Variants in SLC20A2 observed in about 807,000 individuals in gnomAD.
SLC20A2 encodes the protein sodium-dependent phosphate transporter 2.
Under a neutral mutation model 61.0 loss-of-function variants are expected in SLC20A2, and 30 were observed. That is an observed-to-expected ratio of 0.49 (90% CI 0.37 to 0.67). The LOEUF (loss-of-function observed/expected upper bound fraction) is 0.67, where lower values mean the gene tolerates loss of function less well. SLC20A2 is among the 30% of genes least tolerant of loss of function. The pLI, the probability that SLC20A2 is intolerant of heterozygous loss-of-function variation, is 0.00. For missense variants in SLC20A2, 626 were observed against 866.4 expected (o/e 0.72, Z 3.48); for synonymous variants, 351 against 353.3 (o/e 0.99, Z 0.07).
chr8:42,502,075 T>C (rs1003789321), upstream of SLC20A2, among the ~76,000 whole-genome samples: 1 of 152,232 alleles, frequency 6.6e-6, no homozygotes, highest in Admixed American at 6.5e-5. Flanking sequence ...ATTTTGCTCT[T>C]ATTGAACACT....
At chr8:42,431,769 C>G (rs954124218) in intron 8 of SLC20A2, among the ~76,000 whole-genome samples, 11 of 152,208 alleles carry the variant, frequency 7.2e-5, no homozygotes, top group Non-Finnish European at 2.9e-5. Context: ...TCCTATTGCT[C>G]TTAGGAATGA....
intron 1 of SLC20A2, chr8:42,536,634 A>C (rs1360103979): frequency 6.6e-6 from 1 of 152,240 alleles, no homozygotes; most frequent in Non-Finnish European, 1.5e-5. Flanking sequence ...AACAGCTTCA[A>C]ACTGACTTTA....
chr8:42,530,393 C>A (rs1158896949), intron 1 of SLC20A2, among the ~76,000 whole-genome samples: 1 of 152,020 alleles, frequency 6.6e-6, no homozygotes, highest in African/African-American at 2.4e-5. Context: ...TATATATAAC[C>A]CAGTGTTGGG....
At chr8:42,480,263 C>T (rs1328658234) in intron 1 of SLC20A2, among the ~76,000 whole-genome samples, 2 of 152,184 alleles carry the variant, frequency 1.3e-5, no homozygotes, top group African/African-American at 4.8e-5. Flanking sequence ...AGGAAATAAG[C>T]CCAAAGGTTA....
At position 42,428,747 on chromosome 8, in the gene SLC20A2, C is replaced by G. The variant is rs564668770; in HGVS notation, c.1794+11G>C. ...GGCCTGGGGAAGGGCTCCCGGCTAG[C>G]AGGGGCCTACCTTACAGTGCGTGGT... is the stretch of plus-strand genomic sequence containing the variant. On this transcript the variant is annotated intron_variant, in intron 10 of 10. Coordinates refer to ENST00000520262, the MANE Select transcript of SLC20A2 (RefSeq NM_001257180.2). 5 of 1,608,428 alleles carry G rather than the reference C, an allele frequency of 3.1e-6. No individual in the cohort carries two copies. In the African/African-American group the frequency reaches 4.0e-5, roughly 13 times the overall value.
chr8:42,472,634 G>A lies in SLC20A2; in HGVS notation c.-244C>T. The A allele has an allele frequency of 2.2e-6, 1 of 454,258 alleles. No homozygotes were observed. Among genetic ancestry groups the A allele is most frequent in the Non-Finnish European group, 4.0e-6 (1 of 252,134 alleles). The allele number at this position is 454,258 out of a possible 1,614,324, so 28.1% of individuals were successfully genotyped here. A position where few individuals can be genotyped will look rare whatever the true frequency, so the allele number is the denominator to read the frequency against. The stretch of plus-strand genomic sequence containing the variant: ...ATTCCATATTTTTCCTCCCGATCTG[G>A]GAAAGCTGTGATGTCTCCTCCTGTA... On this transcript the variant is annotated 5_prime_UTR_variant, in exon 2 of 11. Transcript: ENST00000520262. This position sits in a 1 kb window ranked among gnomAD's most constrained non-coding sequence, Gnocchi z 4.1.
Position 42,437,054 on chromosome 8 carries a change from C to G in SLC20A2, c.1458G>C (p.Leu486=), listed in dbSNP as rs747263393. ...EEKDAPEVHL[L]FHFLQVLTAC... ...CGGTGAGGACCTGCAGGAAATGGAA[C>G]AGGAGGTGAACCTCGGGTGCGTCCT... is the stretch of plus-strand genomic sequence containing the variant. The change falls in exon 8 of 11, where the codon CTG becomes CTC. Residue 486 remains leucine (L), a synonymous_variant. Transcript: ENST00000520262. The surrounding 1 kb of genome is among the most constrained non-coding windows in gnomAD (Gnocchi z 6.4). 2 of 1,614,096 alleles carry G rather than the reference C, an allele frequency of 1.2e-6. No homozygotes were observed. Among genetic ancestry groups the G allele is most frequent in the South Asian group, 2.2e-5 (2 of 91,074 alleles).
At chr8:42,440,928 G>A (rs1270666205) in intron 6 of SLC20A2, among the ~76,000 whole-genome samples, 5 of 152,146 alleles carry the variant, frequency 3.3e-5, no homozygotes, top group African/African-American at 1.2e-4. Context: ...AGCCTCCCGA[G>A]TAGCTGGGAC....
At chr8:42,479,710 A>G (rs1808414240) in intron 1 of SLC20A2, among the ~76,000 whole-genome samples, 1 of 152,148 alleles carries the variant, frequency 6.6e-6, no homozygotes, top group Non-Finnish European at 1.5e-5. Flanking sequence ...CTGTAATCCC[A>G]GCCACTCGGG....
intron 1 of SLC20A2, among the ~76,000 whole-genome samples, chr8:42,495,411 G>A (rs1427581069): frequency 6.6e-6 from 1 of 152,150 alleles, no homozygotes; most frequent in Non-Finnish European, 1.5e-5. Context: ...GCTCATTCAG[G>A]GTTAAGATCA....
intron 1 of SLC20A2, among the ~76,000 whole-genome samples, chr8:42,540,007 G>T (rs544934563): frequency 3.3e-5 from 5 of 152,254 alleles, no homozygotes; most frequent in Admixed American, 2.0e-4. Flanking sequence ...TAATGCACAC[G>T]TTTGCCCGGC....
chr8:42,433,334 T>C (rs752611953), intron 8 of SLC20A2, among the ~76,000 whole-genome samples: 4 of 152,118 alleles, frequency 2.6e-5, no homozygotes, highest in Middle Eastern at 3.4e-3. Context: ...GTATTTATCT[T>C]TTTTTTTGAG....
Position 42,417,163 on chromosome 8 carries a change from A to G in SLC20A2, c.*640T>C, listed in dbSNP as rs908901340. 1 of 152,786 alleles carries G rather than the reference A, an allele frequency of 6.5e-6. No individual in the cohort carries two copies. The highest frequency in any genetic ancestry group is 1.5e-5 in the Non-Finnish European group (1 of 68,138). The allele number at this position is 152,786 out of a possible 1,614,324, so 9.5% of individuals were successfully genotyped here. ...GTATAAGGGAAGCACACCATTAAAAAATTACAGTTTTACGTATTTACAAAA... is the reference window on the plus strand; with the variant it reads ...GTATAAGGGAAGCACACCATTAAAAGATTACAGTTTTACGTATTTACAAAA... On this transcript the variant is annotated 3_prime_UTR_variant, in exon 11 of 11. Transcript: ENST00000520262.
At chr8:42,501,958 T>C (rs921190246), upstream of SLC20A2, among the ~76,000 whole-genome samples, 3 of 152,164 alleles carry the variant, frequency 2.0e-5, no homozygotes, top group African/African-American at 7.2e-5. Context: ...CATGAAAAAC[T>C]TTCTCTCGAA....
chr8:42,427,072 C>T (rs1203146395), intron 10 of SLC20A2, among the ~76,000 whole-genome samples: 1 of 152,250 alleles, frequency 6.6e-6, no homozygotes, highest in Non-Finnish European at 1.5e-5. Context: ...GAATGGGTGG[C>T]GGGCACACCT....
chr8:42,507,339 C>T (rs1810769357), intron 1 of SLC20A2, among the ~76,000 whole-genome samples: 1 of 150,800 alleles, frequency 6.6e-6, no homozygotes. Context: ...AAACAGAGAG[C>T]TCTAACTCTA....
intron 2 of SLC20A2, among the ~76,000 whole-genome samples, chr8:42,468,192 G>A (rs1475885932): frequency 2.6e-5 from 4 of 152,104 alleles, no homozygotes; most frequent in Non-Finnish European, 5.9e-5. Flanking sequence ...GTGAGCCACC[G>A]CTACCAGCCT....
chr8:42,477,407 C>T (rs185417926), intron 1 of SLC20A2, among the ~76,000 whole-genome samples: 3 of 151,596 alleles, frequency 2.0e-5, no homozygotes, highest in African/African-American at 2.4e-5. Context: ...TTCCTCAACA[C>T]GCAGACACTG....
intron 1 of SLC20A2, among the ~76,000 whole-genome samples, chr8:42,521,985 G>C (rs1013592517): frequency 1.7e-5 from 2 of 121,118 alleles, no homozygotes; most frequent in African/African-American, 5.1e-5. Context: ...GGACCTCTCC[G>C]TACTACTTTT....
Sources: allele counts gnomAD v4.1 joint callset (sites outside exome capture counted in the v4.1 genomes callset), GRCh38; gene constraint gnomAD v4.1.1; non-coding constraint Gnocchi (gnomAD v3.1); transcripts MANE v1.5; gene names NCBI Gene and HGNC (gene_info 2026-07-23, HGNC 2026-07-21).